The following CRIM1 variants were observed in gnomAD, a reference collection of about 807,000 sequenced individuals.
The protein encoded by CRIM1 is cysteine-rich motor neuron 1 protein.
Under a neutral mutation model 116.4 loss-of-function variants are expected in CRIM1, and 32 were observed. That is an observed-to-expected ratio of 0.27 (90% CI 0.21 to 0.37). CRIM1 has a LOEUF of 0.37. CRIM1 is among the 10% of genes least tolerant of loss of function. CRIM1 has a pLI of 1.00. For synonymous variants in CRIM1, 590 were observed against 509.2 expected, an observed-to-expected ratio of 1.16 and a Z score of -2.13; for missense variants, 1,331 against 1,354.8, an observed-to-expected ratio of 0.98 and a Z score of 0.28.
At chr2:36,483,175 C>T (rs181238449) in intron 7 of CRIM1, among the ~76,000 whole-genome samples, 8 of 152,200 alleles carry the variant, frequency 5.3e-5, no homozygotes, top group Admixed American at 3.9e-4. Flanking sequence ...TCTTGTTTAT[C>T]GATCTCATTA....
chr2:36,370,617 T>C (rs983481573), intron 1 of CRIM1, among the ~76,000 whole-genome samples: 38 of 152,146 alleles, frequency 2.5e-4, no homozygotes, highest in African/African-American at 8.9e-4. Context: ...ATAATCCAGG[T>C]TATTATATTT....
Position 36,378,618 on chromosome 2 carries a change from T to G in CRIM1, c.332-17996T>G, listed in dbSNP as rs543264171. ...ACAGAGACTAAAGGGTATACGTCCTTGTGTTCTCTTGGTGGGGACTGCTGT... is the reference window on the plus strand; with the variant it reads ...ACAGAGACTAAAGGGTATACGTCCTGGTGTTCTCTTGGTGGGGACTGCTGT... On this transcript the variant is annotated intron_variant, in intron 1 of 16. Coordinates refer to ENST00000280527, the MANE Select transcript of CRIM1 (RefSeq NM_016441.3). 11 of 269,260 alleles carry G rather than the reference T, an allele frequency of 4.1e-5. No homozygotes were observed. The East Asian group carries it at 9.1e-4, about 22-fold the overall frequency. 16.7% of individuals were successfully genotyped at this position (269,260 alleles called of 1,614,324 possible).
chr2:36,535,863 G>T (rs1167438743), intron 13 of CRIM1, among the ~76,000 whole-genome samples: 1 of 152,102 alleles, frequency 6.6e-6, no homozygotes, highest in Non-Finnish European at 1.5e-5. Flanking sequence ...CATTTACATC[G>T]TGTTAGGTAT....
At chr2:36,533,183 A>G (rs1360921619) in intron 13 of CRIM1, among the ~76,000 whole-genome samples, 2 of 152,212 alleles carry the variant, frequency 1.3e-5, no homozygotes, top group Admixed American at 1.3e-4. Flanking sequence ...ATTGCATGGA[A>G]TAGCTACCAC....
rs574173794 is a variant in CRIM1, at chr2:36,398,946, G to A, written c.505+2159G>A. ...CTCAATGCCAAGAAAGTATGATTTG[G>A]AATTGTGTGATAAGGTATCATGGAG... On this transcript the variant is annotated intron_variant, in intron 2 of 16. Transcript: ENST00000280527. 3.3e-5 allele frequency among the ~76,000 whole-genome samples: 5 copies of A among 152,338 alleles called. No homozygotes were observed. In the East Asian group the frequency reaches 9.6e-4, roughly 29 times the overall value.
intron 1 of CRIM1, among the ~76,000 whole-genome samples, chr2:36,381,112 C>T (rs1334488643): frequency 1.3e-5 from 2 of 152,188 alleles, no homozygotes; most frequent in African/African-American, 4.8e-5. Flanking sequence ...CTTGCCCCCG[C>T]CCCTACCCCC....
At chr2:36,383,485 C>T (rs905961533) in intron 1 of CRIM1, among the ~76,000 whole-genome samples, 2 of 152,156 alleles carry the variant, frequency 1.3e-5, no homozygotes, top group Non-Finnish European at 2.9e-5. Context: ...AAAGCTGCTT[C>T]TTTTTTTCCA....
intron 1 of CRIM1, among the ~76,000 whole-genome samples, chr2:36,372,251 A>G (rs953144284): frequency 6.6e-6 from 1 of 152,164 alleles, no homozygotes; most frequent in Non-Finnish European, 1.5e-5. Context: ...ACTTTAAGGC[A>G]TTTAGGAAAG....
chr2:36,542,720 G>A (rs1414659809), intron 14 of CRIM1, among the ~76,000 whole-genome samples: 3 of 152,208 alleles, frequency 2.0e-5, no homozygotes, highest in Non-Finnish European at 4.4e-5. Flanking sequence ...GCAGAAGGGT[G>A]TGTGTGGCAC....
intron 13 of CRIM1, among the ~76,000 whole-genome samples, chr2:36,530,667 C>A (rs1378231934): frequency 1.3e-5 from 2 of 152,160 alleles, no homozygotes; most frequent in South Asian, 2.1e-4. Flanking sequence ...ATTGGTAATA[C>A]TTGGCTGCCT....
intron 2 of CRIM1, among the ~76,000 whole-genome samples, chr2:36,421,934 G>T (rs1307329948): frequency 6.6e-6 from 1 of 152,018 alleles, no homozygotes; most frequent in African/African-American, 2.4e-5. Context: ...CAGCCAAAAG[G>T]CATATGGAGT....
Position 36,387,483 on chromosome 2 carries a change from A to T in CRIM1, c.332-9131A>T, listed in dbSNP as rs1671252307. ...TGGCATGTGTCTGAATAGAAGGCTG[A>T]TCTAGCACAGCACAAACATGGAACA... On this transcript the variant is annotated intron_variant, in intron 1 of 16. Coordinates refer to ENST00000280527, the MANE Select transcript of CRIM1 (RefSeq NM_016441.3). Among the ~76,000 whole-genome samples the T allele has an allele frequency of 2.0e-5, 3 of 152,224 alleles. No individual in the cohort carries two copies. The South Asian group carries it at 6.2e-4, about 32-fold the overall frequency.
intron 7 of CRIM1, among the ~76,000 whole-genome samples, chr2:36,497,388 G>T (rs903955079): frequency 5.9e-5 from 9 of 152,102 alleles, no homozygotes; most frequent in African/African-American, 2.2e-4. Context: ...CAAAACATTG[G>T]CAGTCTTGGG....
At chr2:36,437,800 G>T (rs189347858) in intron 2 of CRIM1, among the ~76,000 whole-genome samples, 39 of 152,214 alleles carry the variant, frequency 2.6e-4, no homozygotes, top group African/African-American at 9.4e-4. Context: ...AACACACGTC[G>T]AGAGGTGACA....
rs760405485 is a variant in CRIM1 at position 36,517,511 on chromosome 2, C to T, written c.2175C>T (p.Arg725=). The part of the protein sequence containing the change: ...CPPLLCQNPS[R]TQDSCCPQCT... ...CGCTGCTCTGCCAGAACCCCTCACGCACCCAGGATTCCTGCTGCCCACAGT... is the reference window on the plus strand; with the variant it reads ...CGCTGCTCTGCCAGAACCCCTCACGTACCCAGGATTCCTGCTGCCCACAGT... The change falls in exon 12 of 17, where the codon CGC becomes CGT. Residue 725 remains arginine, a synonymous_variant. Transcript: ENST00000280527. The T allele has an allele frequency of 6.2e-7, 1 of 1,614,044 alleles. No individual in the cohort carries two copies. The highest frequency in any genetic ancestry group is 2.2e-5 in the East Asian group (1 of 44,866).
intron 5 of CRIM1, 119 bp downstream of exon 5, chr2:36,464,774 G>A (rs1303245742): frequency 2.5e-6 from 3 of 1,213,240 alleles, no homozygotes; most frequent in Non-Finnish European, 2.4e-6. Flanking sequence ...GGGGCTTGCT[G>A]AAGGGCACTC....
intron 2 of CRIM1, among the ~76,000 whole-genome samples, chr2:36,417,597 A>G (rs1158169089): frequency 6.6e-6 from 1 of 152,152 alleles, no homozygotes; most frequent in African/African-American, 2.4e-5. Flanking sequence ...AAAGCTAAAG[A>G]CCTATCTCCA....
At chr2:36,503,595 ACT>A (rs1404269097) in intron 8 of CRIM1, among the ~76,000 whole-genome samples, 1 of 147,580 alleles carries the variant, frequency 6.8e-6, no homozygotes, top group Non-Finnish European at 1.5e-5. Flanking sequence ...CTCTAAGGAC[ACT>A]CACACCAACA....
rs1215680862 is a variant in CRIM1 at position 36,549,782 on chromosome 2, T to G, written c.*1081T>G. On this transcript the variant is annotated 3_prime_UTR_variant, in exon 17 of 17. Transcript: ENST00000280527. ...TTAAACTTTAGCAATTATAGGAGTA[T>G]TTATGTAACTATCTTATGCTTCAAA... 6.6e-6 allele frequency: 1 copy of G among 152,098 alleles called. No homozygotes were observed. The highest frequency in any genetic ancestry group is 1.5e-5 in the Non-Finnish European group (1 of 67,922). The allele number at this position is 152,098 out of a possible 1,614,324, so 9.4% of individuals were successfully genotyped here.
Sources: allele counts gnomAD v4.1 joint callset (sites outside exome capture counted in the v4.1 genomes callset), GRCh38; gene constraint gnomAD v4.1.1; transcripts MANE v1.5; gene names NCBI Gene and HGNC (gene_info 2026-07-23, HGNC 2026-07-21).